Variants in APOOL observed in about 807,000 individuals in gnomAD.
APOOL encodes the protein MICOS complex subunit MIC27.
A neutral mutation model predicts 23.1 loss-of-function variants in APOOL; 12 were observed. That is an observed-to-expected ratio of 0.52 (90% CI 0.33 to 0.84). APOOL has a LOEUF of 0.84. APOOL is among the 40% of genes least tolerant of loss of function. APOOL has a pLI of 0.02. For synonymous variants in APOOL, 77 were observed against 69.9 expected, an observed-to-expected ratio of 1.10 and a Z score of -0.51; for missense variants, 212 against 199.6, an observed-to-expected ratio of 1.06 and a Z score of -0.37.
chrX:85,029,012 T>A (rs1019278159), intron 1 of APOOL, among the ~76,000 whole-genome samples: 1 of 111,948 alleles, frequency 8.9e-6, no homozygotes, highest in East Asian at 2.8e-4. Flanking sequence ...AGATATCTGT[T>A]GGCTATACTG....
intron 6 of APOOL, among the ~76,000 whole-genome samples, chrX:85,067,637 C>CAA (rs1412733332): frequency 9.4e-6 from 1 of 106,443 alleles, no homozygotes; most frequent in Non-Finnish European, 1.9e-5. Flanking sequence ...AACACACACA[C>CAA]ACACACACAC....
At chrX:85,072,248 C>T (rs1366872979) in intron 6 of APOOL, among the ~76,000 whole-genome samples, 3 of 112,121 alleles carry the variant, frequency 2.7e-5, no homozygotes, top group African/African-American at 9.7e-5. Context: ...ATTTCATCAA[C>T]AAATAAATGC....
chrX:85,077,377 G>C (rs1923899140), intron 8 of APOOL, among the ~76,000 whole-genome samples: 2 of 108,092 alleles, frequency 1.9e-5, no homozygotes, highest in Non-Finnish European at 1.9e-5. Context: ...CTGTCCTTTT[G>C]ATAGTCTGCT....
At chrX:85,046,183 A>C (rs756127229) in intron 1 of APOOL, 113 of 223,948 alleles carry the variant, frequency 5.0e-4, no homozygotes, top group African/African-American at 3.2e-3. Context: ...TTATTACATA[A>C]TAATATTCCA....
chrX:85,061,841 T>G (rs1322345752), intron 5 of APOOL, among the ~76,000 whole-genome samples: 3 of 111,611 alleles, frequency 2.7e-5, no homozygotes, highest in Non-Finnish European at 5.6e-5. Context: ...AGCTCCCGGA[T>G]TCATTGATTT....
At chrX:85,005,491 G>A (rs1229112963) in intron 1 of APOOL, among the ~76,000 whole-genome samples, 1 of 99,504 alleles carries the variant, frequency 1.0e-5, no homozygotes, top group African/African-American at 3.8e-5. Context: ...TCTTGTTTGT[G>A]CTCCCAGAGG....
At chrX:85,022,638 G>A (rs909588250) in intron 1 of APOOL, among the ~76,000 whole-genome samples, 4 of 43,100 alleles carry the variant, frequency 9.3e-5, no homozygotes, top group Admixed American at 5.0e-4. Flanking sequence ...ATACTCAATG[G>A]TGAAAAGCTA....
At chrX:85,038,524 G>GTTTTTTT (rs56248244) in intron 1 of APOOL, among the ~76,000 whole-genome samples, 3 of 43,445 alleles carry the variant, frequency 6.9e-5, no homozygotes, top group African/African-American at 2.1e-4. Flanking sequence ...TCTGGTACAA[G>GTTTTTTT]TTTTTTTTTT....
chrX:85,084,459 A>G (rs1300664150), intron 8 of APOOL, among the ~76,000 whole-genome samples: 5 of 110,045 alleles, frequency 4.5e-5, no homozygotes, highest in Non-Finnish European at 9.5e-5. Flanking sequence ...TTTCAAAAAG[A>G]TGAATCAAAT....
intron 5 of APOOL, among the ~76,000 whole-genome samples, chrX:85,064,340 A>ATTT (rs745593279): frequency 1.3e-3 from 98 of 73,339 alleles, no homozygotes; most frequent in African/African-American, 4.5e-3. Flanking sequence ...CAGCTCCTGG[A>ATTT]TTTTTTTTTT....
intron 1 of APOOL, among the ~76,000 whole-genome samples, chrX:85,040,755 A>G (rs867820674): frequency 8.9e-6 from 1 of 112,183 alleles, no homozygotes; most frequent in Non-Finnish European, 1.9e-5. Flanking sequence ...GGTTCTTAAA[A>G]TAGCAATTTT....
At chrX:85,065,932 A>G (rs1022494576) in intron 5 of APOOL, among the ~76,000 whole-genome samples, 1 of 111,366 alleles carries the variant, frequency 9.0e-6, no homozygotes, top group African/African-American at 3.3e-5. Context: ...TCTAAATCTA[A>G]AGAAAAGCTA....
intron 1 of APOOL, among the ~76,000 whole-genome samples, chrX:85,010,918 C>G (rs1157797005): frequency 9.2e-6 from 1 of 109,262 alleles, no homozygotes; most frequent in Non-Finnish European, 1.9e-5. Flanking sequence ...TAATGAATCT[C>G]CATACTGTTT....
chrX:85,048,379 A>T (rs1922650900), intron 2 of APOOL, among the ~76,000 whole-genome samples: 1 of 111,718 alleles, frequency 9.0e-6, no homozygotes, highest in Non-Finnish European at 1.9e-5. Flanking sequence ...TCTAGGTAGG[A>T]AGATAAATCC....
chrX:85,023,280 G>C (rs1921731983), intron 1 of APOOL, among the ~76,000 whole-genome samples: 1 of 111,647 alleles, frequency 9.0e-6, no homozygotes, highest in Non-Finnish European at 1.9e-5. Flanking sequence ...TACACTAACA[G>C]TGAACTATCC....
At chrX:85,006,303 C>A in intron 1 of APOOL, among the ~76,000 whole-genome samples, 1 of 95,896 alleles carries the variant, frequency 1.0e-5, no homozygotes, top group African/African-American at 3.7e-5. Flanking sequence ...TCTTGATGAC[C>A]CTAAGAAATG....
At chrX:85,071,305 A>G (rs1923656304) in intron 6 of APOOL, among the ~76,000 whole-genome samples, 1 of 110,740 alleles carries the variant, frequency 9.0e-6, no homozygotes, top group South Asian at 3.8e-4. Flanking sequence ...ACTATAGTAT[A>G]CACAATAAAA....
At chrX:85,043,350 A>G (rs1316104714) in intron 1 of APOOL, among the ~76,000 whole-genome samples, 1 of 109,821 alleles carries the variant, frequency 9.1e-6, no homozygotes, top group Non-Finnish European at 1.9e-5. Context: ...TTTTTATAAC[A>G]CCCCAAACTC....
At chrX:85,027,688 T>C (rs1347859649) in intron 1 of APOOL, among the ~76,000 whole-genome samples, 1 of 112,196 alleles carries the variant, frequency 8.9e-6, no homozygotes, top group East Asian at 2.8e-4. Flanking sequence ...TTACATGTAA[T>C]TCAGTTATTG....
Sources: gnomAD v4.1 joint callset for allele counts (sites outside exome capture counted in the v4.1 genomes callset) on GRCh38, gnomAD v4.1.1 for gene constraint, MANE v1.5 for transcripts, NCBI Gene and HGNC (gene_info 2026-07-23, HGNC 2026-07-21) for gene names.